Variants in SORCS1 observed in about 807,000 individuals in gnomAD.
SORCS1 encodes VPS10 domain-containing receptor SorCS1.
In SORCS1, 60 loss-of-function variants were observed where a neutral mutation model predicts 146.1. The observed-to-expected ratio is 0.41, with a 90% CI of 0.33 to 0.51. The LOEUF (loss-of-function observed/expected upper bound fraction) is 0.51, where lower values mean the gene tolerates loss of function less well. Ranked by LOEUF, SORCS1 falls within the 20% of genes least tolerant of loss-of-function variation. SORCS1 has a pLI of 0.21. For synonymous variants in SORCS1, 637 were observed against 584.0 expected (o/e 1.09, Z -1.31); for missense variants, 1,352 against 1,487.6 (o/e 0.91, Z 1.50).
At chr10:106,953,654 C>T (rs2138950423) in intron 2 of SORCS1, among the ~76,000 whole-genome samples, 1 of 152,194 alleles carries the variant, frequency 6.6e-6, no homozygotes. Flanking sequence ...TAGCATACTA[C>T]TTATGTAGGC....
intron 1 of SORCS1, among the ~76,000 whole-genome samples, chr10:107,142,361 A>G (rs1967921908): frequency 1.3e-5 from 2 of 152,204 alleles, no homozygotes; most frequent in South Asian, 4.1e-4. Flanking sequence ...TAAAACCACA[A>G]GTGTTCTTCT....
At chr10:106,749,521 T>C (rs1355802378) in intron 5 of SORCS1, among the ~76,000 whole-genome samples, 1 of 152,212 alleles carries the variant, frequency 6.6e-6, no homozygotes, top group Non-Finnish European at 1.5e-5. Context: ...GAATTTGGCC[T>C]GTAAAATCAC....
intron 2 of SORCS1, among the ~76,000 whole-genome samples, chr10:106,872,941 G>A (rs1476045494): frequency 1.3e-5 from 2 of 152,134 alleles, no homozygotes; most frequent in African/African-American, 4.8e-5. Context: ...TTGGGAGTTC[G>A]AGGTGGGCGG....
intron 1 of SORCS1, among the ~76,000 whole-genome samples, chr10:107,018,036 C>T (rs7893628): frequency 0.1 from 15,457 of 152,126 alleles, 1,775 homozygotes; most frequent in African/African-American, 0.28. Flanking sequence ...CCACCCTATA[C>T]CCAGAGGAAA....
intron 3 of SORCS1, among the ~76,000 whole-genome samples, chr10:106,826,264 C>T (rs1948300004): frequency 6.6e-6 from 1 of 152,220 alleles, no homozygotes. Context: ...AGTTTTATTC[C>T]AGTTGCTCCC....
chr10:107,005,771 T>C (rs1394637057), intron 1 of SORCS1, among the ~76,000 whole-genome samples: 3 of 152,184 alleles, frequency 2.0e-5, no homozygotes, highest in Admixed American at 6.5e-5. Context: ...ATGACAAAAA[T>C]AGGCATATGA....
chr10:107,023,057 A>G (rs573723815), intron 1 of SORCS1, among the ~76,000 whole-genome samples: 49 of 152,238 alleles, frequency 3.2e-4, no homozygotes, highest in Non-Finnish European at 6.8e-4. Context: ...ACGGTGCAGT[A>G]TGTGTTCAGT....
intron 21 of SORCS1, among the ~76,000 whole-genome samples, chr10:106,617,384 G>A (rs1195677511): frequency 6.6e-6 from 1 of 151,924 alleles, no homozygotes; most frequent in Non-Finnish European, 1.5e-5. Context: ...GGATTCATAT[G>A]TACCATTTCC....
intron 2 of SORCS1, among the ~76,000 whole-genome samples, chr10:106,854,586 T>C (rs1949713359): frequency 6.6e-6 from 1 of 151,938 alleles, no homozygotes; most frequent in Non-Finnish European, 1.5e-5. Flanking sequence ...TATACGAATT[T>C]ATTTTCTCTC....
rs547368166 is a variant in SORCS1 at position 106,846,039 on chromosome 10, T to C, written c.627-16366A>G. On this transcript the variant is annotated intron_variant, in intron 2 of 25. Transcript: ENST00000263054. ...TGTGATGCCTCCAGCTTTGTTCTTT[T>C]GGCTTAGGATTGACTTGGCGATGCG... Among the ~76,000 whole-genome samples the C allele has an allele frequency of 4.8e-5, 6 of 124,530 alleles. 1 individual carries two copies. The highest frequency in any genetic ancestry group is 1.7e-4 in the Admixed American group (2 of 11,654). The allele number at this position is 124,530 out of a possible 152,430, so 81.7% of individuals were successfully genotyped here.
At chr10:106,625,430 G>T (rs1236039589) in intron 19 of SORCS1, among the ~76,000 whole-genome samples, 1 of 152,100 alleles carries the variant, frequency 6.6e-6, no homozygotes, top group Non-Finnish European at 1.5e-5. Flanking sequence ...TTCACTGTAC[G>T]TTAAAATCAT....
intron 1 of SORCS1, among the ~76,000 whole-genome samples, chr10:107,065,447 CT>C (rs1203348261): frequency 6.4e-4 from 78 of 122,738 alleles, no homozygotes; most frequent in African/African-American, 1.6e-3. Flanking sequence ...TTCTTTCTTT[CT>C]TTTCTCTCTT....
chr10:107,036,170 GT>G (rs1276183298), intron 1 of SORCS1, among the ~76,000 whole-genome samples: 1 of 151,520 alleles, frequency 6.6e-6, no homozygotes, highest in Non-Finnish European at 1.5e-5. Flanking sequence ...CATAAGAAAT[GT>G]TGAGTTATTA....
chr10:106,586,487 T>C (rs1845246361), intron 24 of SORCS1, among the ~76,000 whole-genome samples: 2 of 152,170 alleles, frequency 1.3e-5, no homozygotes, highest in Non-Finnish European at 2.9e-5. Flanking sequence ...TTCTGACGCA[T>C]GTTTGTGCCC....
In SORCS1 at chr10:106,883,736, T is replaced by C. The variant is rs181195473; in HGVS notation, c.627-54063A>G. On this transcript the variant is annotated intron_variant, in intron 2 of 25. Coordinates refer to ENST00000263054, the MANE Select transcript of SORCS1 (RefSeq NM_052918.5). ...CCTTCAAATCTATTAACCAATGGTC[T>C]TGGTTGTATATCTATTGCCAGCTCT... Among the ~76,000 whole-genome samples the C allele has an allele frequency of 2.0e-5, 3 of 152,332 alleles. No homozygotes were observed. The East Asian group carries it at 5.8e-4, about 29-fold the overall frequency.
chr10:106,592,728 T>C (rs1450443064), intron 24 of SORCS1, among the ~76,000 whole-genome samples: 5 of 151,780 alleles, frequency 3.3e-5, no homozygotes, highest in African/African-American at 4.8e-5. Context: ...GAAAGAGAAA[T>C]AGAGTTGATG....
intron 1 of SORCS1, among the ~76,000 whole-genome samples, chr10:107,144,943 G>A (rs976409128): frequency 2.0e-5 from 3 of 152,162 alleles, no homozygotes; most frequent in Non-Finnish European, 2.9e-5. Context: ...GAATAGTTAC[G>A]TCAATATACC....
At chr10:106,686,642 A>C (rs537878065) in intron 10 of SORCS1, among the ~76,000 whole-genome samples, 1 of 152,308 alleles carries the variant, frequency 6.6e-6, no homozygotes, top group East Asian at 1.9e-4. Context: ...GGCATTGTGC[A>C]CTTACTATAA....
intron 2 of SORCS1, among the ~76,000 whole-genome samples, chr10:106,870,552 A>T (rs1950368990): frequency 6.6e-6 from 1 of 152,216 alleles, no homozygotes; most frequent in African/African-American, 2.4e-5. Flanking sequence ...TGACCATCTG[A>T]TCTTCCACAA....
Sources: gnomAD v4.1 joint callset for allele counts (sites outside exome capture counted in the v4.1 genomes callset) on GRCh38, gnomAD v4.1.1 for gene constraint, MANE v1.5 for transcripts, NCBI Gene and HGNC (gene_info 2026-07-23, HGNC 2026-07-21) for gene names.